Variants in WDR41 observed in about 807,000 individuals in gnomAD.
WDR41 encodes the protein WD repeat domain 41, also known as WD repeat-containing protein 41.
In WDR41, 63 loss-of-function variants were observed where a neutral mutation model predicts 69.3. That is an observed-to-expected ratio of 0.91 (90% confidence interval 0.74 to 1.12). The LOEUF (loss-of-function observed/expected upper bound fraction) is 1.12, where lower values mean the gene tolerates loss of function less well. Ranked by LOEUF, WDR41 falls within the 50% of genes most tolerant of loss-of-function variation. The pLI, the probability that WDR41 is intolerant of heterozygous loss-of-function variation, is 0.00. For missense variants in WDR41, 543 were observed against 534.5 expected, an observed-to-expected ratio of 1.02 and a Z score of -0.16; for synonymous variants, 185 against 192.1, an observed-to-expected ratio of 0.96 and a Z score of 0.31.
intron 1 of WDR41, among the ~76,000 whole-genome samples, chr5:77,530,489 T>A (rs1448042329): frequency 6.6e-6 from 1 of 151,676 alleles, no homozygotes; most frequent in African/African-American, 2.4e-5. Flanking sequence ...AAAATTATAC[T>A]GGGTGAAATA....
At chr5:77,523,044 T>G (rs1802393314) in intron 1 of WDR41, among the ~76,000 whole-genome samples, 1 of 152,190 alleles carries the variant, frequency 6.6e-6, no homozygotes, top group Non-Finnish European at 1.5e-5. Context: ...CCAGACGCTG[T>G]GGCTCACACC....
rs567975148 is a variant in WDR41, at chr5:77,437,371, T to A, written c.1058A>T (p.Glu353Val). Reference sequence around the variant, plus strand: ...AGGCTCAGCTGCAAGCTGCTGTTTTTCTCTTAACTCCCAAATGCGTACACT... The same window carrying A: ...AGGCTCAGCTGCAAGCTGCTGTTTTACTCTTAACTCCCAAATGCGTACACT... The part of the protein sequence containing the change: ...DGSVRIWELR[E>V]KQQLAAEPVP... Residue 353 changes from glutamate to valine, a missense_variant, in exon 11 of 13, where the codon GAA (glutamate) becomes GTA (valine). Physicochemically the swap from Glu to Val is moderately radical, Grantham distance 121. Transcript: ENST00000296679. 6.2e-7 allele frequency: 1 copy of A among 1,613,966 alleles called. No homozygotes were observed. Among genetic ancestry groups the A allele is most frequent in the African/African-American group, 1.3e-5 (1 of 75,038 alleles).
At chr5:77,507,328 C>G (rs1008397462) in intron 1 of WDR41, among the ~76,000 whole-genome samples, 2 of 152,152 alleles carry the variant, frequency 1.3e-5, no homozygotes, top group Non-Finnish European at 2.9e-5. Context: ...ACTGCTCCAC[C>G]CATTTCCAGC....
At chr5:77,479,765 A>G (rs404424) in intron 2 of WDR41, among the ~76,000 whole-genome samples, 86,524 of 151,800 alleles carry the variant, frequency 0.57, 26,581 homozygotes, top group African/African-American at 0.8. Context: ...AGGCATGGGC[A>G]AGGACTTCAT....
chr5:77,583,892 T>C (rs1184214850), intron 1 of WDR41, among the ~76,000 whole-genome samples: 2 of 152,068 alleles, frequency 1.3e-5, no homozygotes, highest in Non-Finnish European at 2.9e-5. Flanking sequence ...CCAGCAACAT[T>C]TACAATGACC....
intron 2 of WDR41, among the ~76,000 whole-genome samples, chr5:77,472,204 C>A (rs1246541119): frequency 2.0e-5 from 3 of 152,134 alleles, no homozygotes; most frequent in Non-Finnish European, 2.9e-5. Flanking sequence ...GCAGAAAAGG[C>A]CTTTGACAAA....
intron 1 of WDR41, among the ~76,000 whole-genome samples, chr5:77,552,528 G>A (rs978520264): frequency 5.3e-5 from 8 of 152,096 alleles, no homozygotes; most frequent in Non-Finnish European, 8.8e-5. Context: ...TTCATAGACC[G>A]AGGCAAGCTT....
intron 2 of WDR41, among the ~76,000 whole-genome samples, chr5:77,468,761 C>G (rs574617202): frequency 6.6e-6 from 1 of 152,180 alleles, no homozygotes; most frequent in Non-Finnish European, 1.5e-5. Context: ...CAGTGGTTAA[C>G]TTTCCACCTA....
intron 1 of WDR41, among the ~76,000 whole-genome samples, chr5:77,613,591 T>G (rs1280260059): frequency 1.3e-5 from 2 of 152,130 alleles, no homozygotes; most frequent in Non-Finnish European, 2.9e-5. Flanking sequence ...TGGCTAGCCA[T>G]ATGGAGAAAG....
chr5:77,474,509 G>A (rs532089470), intron 2 of WDR41, among the ~76,000 whole-genome samples: 1 of 152,110 alleles, frequency 6.6e-6, no homozygotes, highest in Non-Finnish European at 1.5e-5. Context: ...AATTAGAGAA[G>A]CATCCAGATA....
At chr5:77,598,865 C>T (rs1278782065) in intron 1 of WDR41, among the ~76,000 whole-genome samples, 2 of 151,986 alleles carry the variant, frequency 1.3e-5, no homozygotes, top group African/African-American at 2.4e-5. Flanking sequence ...AAGGAAGCCA[C>T]AAGTCAAGGA....
chr5:77,582,383 G>A lies in WDR41; in HGVS notation c.42+38096C>T, dbSNP rs537881355. On this transcript the variant is annotated intron_variant, in intron 1 of 5. Transcript: ENST00000509971. ...CTTTTTCCGGCTGGAACCATGGAGG[G>A]TGTAGAAGAGAAGAAGAAGGAGGTT... is the stretch of plus-strand genomic sequence containing the variant. 1.1e-5 allele frequency: 18 copies of A among 1,609,612 alleles called. No homozygotes were observed. The African/African-American group carries it at 2.1e-4, about 19-fold the overall frequency.
At position 77,492,057 on chromosome 5, in the gene WDR41, C is replaced by T. The variant is rs956691760; in HGVS notation, c.51+113G>A. The T allele has an allele frequency of 2.1e-5, 28 of 1,343,076 alleles. No homozygotes were observed. The Admixed American group carries it at 3.9e-4, about 19-fold the overall frequency. 83.2% of individuals were successfully genotyped at this position (1,343,076 alleles called of 1,614,324 possible). A position where few individuals can be genotyped will look rare whatever the true frequency, so the allele number is the denominator to read the frequency against. On this transcript the variant is annotated intron_variant, in intron 1 of 12. Transcript: ENST00000296679. ...CAGCGCGTGGCACGAGCTCAGCAGCCAGCCCCGCCTCCGCCCGGGTCCCCG... is the reference window on the plus strand; with the variant it reads ...CAGCGCGTGGCACGAGCTCAGCAGCTAGCCCCGCCTCCGCCCGGGTCCCCG...
intron 2 of WDR41, among the ~76,000 whole-genome samples, chr5:77,483,581 G>A (rs1801385170): frequency 6.6e-6 from 1 of 151,788 alleles, no homozygotes; most frequent in Non-Finnish European, 1.5e-5. Context: ...TCTTTTGTAT[G>A]TCTAAGTTGT....
intron 1 of WDR41, chr5:77,540,501 C>T (rs1243116567): frequency 6.6e-6 from 1 of 152,184 alleles, no homozygotes; most frequent in African/African-American, 2.4e-5. Flanking sequence ...CTGGGAGGAT[C>T]ACATGATTCT....
At chr5:77,474,701 T>C (rs922724174) in intron 2 of WDR41, among the ~76,000 whole-genome samples, 14 of 152,050 alleles carry the variant, frequency 9.2e-5, no homozygotes, top group African/African-American at 2.4e-4. Context: ...CAAACAAAGA[T>C]TGCATAGTTC....
At position 77,546,870 on chromosome 5, in the gene WDR41, T is replaced by C. The variant is rs181832891; in HGVS notation, c.43-57298A>G. On this transcript the variant is annotated intron_variant, in intron 1 of 5. Transcript: ENST00000509971. ...CCTGATGCACATGATGCTAAAATCC[T>C]TAACAAAATACTAGCTAACCGAATC... Among the ~76,000 whole-genome samples, 166 of 152,220 alleles carry C rather than the reference T, an allele frequency of 1.1e-3. 1 individual carries two copies. Among genetic ancestry groups the C allele is most frequent in the Non-Finnish European group, 1.6e-3 (109 of 68,016 alleles).
chr5:77,477,573 T>C lies in WDR41; in HGVS notation c.167+11884A>G, dbSNP rs1454602374. The stretch of plus-strand genomic sequence containing the variant: ...ACTGAACAACCTGCTCCTGAATGAC[T>C]ACTGGGTACATAACGAAATGAAGGC... On this transcript the variant is annotated intron_variant, in intron 2 of 12. Coordinates refer to ENST00000296679, the MANE Select transcript of WDR41 (RefSeq NM_018268.4). 2.3e-5 allele frequency among the ~76,000 whole-genome samples: 2 copies of C among 87,210 alleles called. 1 individual carries two copies. The highest frequency in any genetic ancestry group is 6.3e-4 in the East Asian group (2 of 3,172). The allele number at this position is 87,210 out of a possible 152,430, so 57.2% of individuals were successfully genotyped here.
rs571044244 is a variant in WDR41, at chr5:77,432,119, A to T, written c.*1016T>A. The T allele has an allele frequency of 1.3e-5, 2 of 152,366 alleles. No individual in the cohort carries two copies. The highest frequency in any genetic ancestry group is 4.1e-4 in the South Asian group (2 of 4,828). 9.4% of individuals were successfully genotyped at this position (152,366 alleles called of 1,614,324 possible). A position where few individuals can be genotyped will look rare whatever the true frequency, so the allele number is the denominator to read the frequency against. Reference sequence around the variant, plus strand: ...GAGATTCCCTTTAGGGTATATTTGTAGTATATTTGTATAATGAACAAATAA... The same window carrying T: ...GAGATTCCCTTTAGGGTATATTTGTTGTATATTTGTATAATGAACAAATAA... On this transcript the variant is annotated 3_prime_UTR_variant, in exon 13 of 13. Transcript: ENST00000296679.
Sources: allele counts gnomAD v4.1 joint callset (sites outside exome capture counted in the v4.1 genomes callset), GRCh38; gene constraint gnomAD v4.1.1; transcripts MANE v1.5; gene names NCBI Gene and HGNC (gene_info 2026-07-23, HGNC 2026-07-21).